AGAP1: variants seen among roughly 807,000 people sequenced by gnomAD.
AGAP1 encodes the protein arf-GAP with GTPase, ANK repeat and PH domain-containing protein 1.
A neutral mutation model predicts 105.3 loss-of-function variants in AGAP1; 29 were observed. The ratio of observed to expected loss-of-function variants is 0.28; its 90% CI spans 0.21 to 0.38. AGAP1 has a LOEUF of 0.38. Ranked by LOEUF, AGAP1 falls within the 10% of genes least tolerant of loss-of-function variation. The pLI is 1.00. For synonymous variants in AGAP1, 509 were observed against 485.9 expected (o/e 1.05, Z -0.63); for missense variants, 998 against 1,165.1 (o/e 0.86, Z 2.09).
chr2:236,059,510 C>T (rs779708636), intron 16 of AGAP1, among the ~76,000 whole-genome samples: 1 of 152,006 alleles, frequency 6.6e-6, no homozygotes, highest in Admixed American at 6.6e-5. Context: ...AATATCAAAA[C>T]GGTCTTGAAA....
intron 9 of AGAP1, among the ~76,000 whole-genome samples, chr2:235,809,894 G>A (rs1158031286): frequency 6.6e-6 from 1 of 152,138 alleles, no homozygotes; most frequent in Non-Finnish European, 1.5e-5. Context: ...TGTAAGTGCT[G>A]TTCATACAAG....
chr2:235,730,013 GT>G (rs1951856582), intron 3 of AGAP1, among the ~76,000 whole-genome samples: 2 of 152,040 alleles, frequency 1.3e-5, no homozygotes, highest in African/African-American at 2.4e-5. Flanking sequence ...GGATTTCTTA[GT>G]TTCTCCATGC....
intron 13 of AGAP1, among the ~76,000 whole-genome samples, chr2:236,015,592 A>G (rs188403757): frequency 6.6e-6 from 1 of 152,254 alleles, no homozygotes; most frequent in Non-Finnish European, 1.5e-5. Context: ...AAGGGTCGGA[A>G]TTACTTTGAT....
In AGAP1 at chr2:235,662,417, G is replaced by C. The variant is rs1176519732; in HGVS notation, c.164-46762G>C. Among the ~76,000 whole-genome samples, 1 of 152,178 alleles carries C rather than the reference G, an allele frequency of 6.6e-6. No individual in the cohort carries two copies. The highest frequency in any genetic ancestry group is 1.5e-5 in the Non-Finnish European group (1 of 68,024). On this transcript the variant is annotated intron_variant, in intron 1 of 17. Coordinates refer to ENST00000304032, the MANE Select transcript of AGAP1 (RefSeq NM_001037131.3). This position sits in a 1 kb window ranked among gnomAD's most constrained non-coding sequence, Gnocchi z 4.2. ...AGGGACAGAGTGCGTCCATGGAGGG[G>C]AGGACTCACAGCAGTTTTGAAGTAA...
intron 1 of AGAP1, among the ~76,000 whole-genome samples, chr2:235,587,331 C>G (rs1460290888): frequency 6.6e-6 from 1 of 152,186 alleles, no homozygotes; most frequent in Non-Finnish European, 1.5e-5. Flanking sequence ...CAGCAGCTGT[C>G]TTTTCAGTTG....
chr2:235,739,643 C>T lies in AGAP1; in HGVS notation c.311-1320C>T, dbSNP rs1234248344. The stretch of plus-strand genomic sequence containing the variant: ...CAAATGCGGCTGCCTGTGATGGTGG[C>T]ATAGGTGTTGAGTGTGAGCACACGA... On this transcript the variant is annotated intron_variant, in intron 3 of 17. Coordinates refer to ENST00000304032, the MANE Select transcript of AGAP1 (RefSeq NM_001037131.3). The surrounding 1 kb of genome is among the most constrained non-coding windows in gnomAD (Gnocchi z 5.3). Among the ~76,000 whole-genome samples, 3 of 152,362 alleles carry T rather than the reference C, an allele frequency of 2.0e-5. No individual in the cohort carries two copies. In the East Asian group the frequency reaches 5.8e-4, roughly 29 times the overall value.
chr2:236,048,913 C>T, intron 15 of AGAP1, 146 bp from the exon 16 acceptor site: 1 of 697,874 alleles, frequency 1.4e-6, no homozygotes, highest in Non-Finnish European at 2.4e-6. Context: ...CAGGACTGAG[C>T]ACTGGCTAGG....
chr2:235,523,845 G>A (rs1303218688), intron 1 of AGAP1, among the ~76,000 whole-genome samples: 6 of 151,938 alleles, frequency 3.9e-5, no homozygotes, highest in South Asian at 2.1e-4. Context: ...GCAGGGGGAC[G>A]GTGGTCTTGG....
rs2057693975 is a variant in AGAP1 at position 236,045,615 on chromosome 2, CA to C, written c.1892-3443del. Among the ~76,000 whole-genome samples the C allele has an allele frequency of 6.6e-6, 1 of 152,316 alleles. No individual in the cohort carries two copies. The highest frequency in any genetic ancestry group is 1.9e-4 in the East Asian group (1 of 5,174). The stretch of plus-strand genomic sequence containing the variant: ...CAGGGCCGCCCTGGGGCTGTGGGAC[CA>C]GCGGGGCCTGAAGCCAGGTGGAGGG... On this transcript the variant is annotated intron_variant, in intron 15 of 17. Transcript: ENST00000304032. The surrounding 1 kb of genome is among the most constrained non-coding windows in gnomAD (Gnocchi z 6.9).
chr2:235,565,258 A>G (rs1944312348), intron 1 of AGAP1, among the ~76,000 whole-genome samples: 1 of 152,058 alleles, frequency 6.6e-6, no homozygotes, highest in Admixed American at 6.5e-5. Context: ...AGCCAGGAGC[A>G]TCTTCGCAGG....
intron 16 of AGAP1, among the ~76,000 whole-genome samples, chr2:236,103,544 T>C (rs2059411684): frequency 2.0e-5 from 3 of 152,054 alleles, no homozygotes; most frequent in African/African-American, 4.8e-5. Flanking sequence ...CTCTTTTTCC[T>C]TTCTTTCCTT....
Position 235,635,071 on chromosome 2 carries a change from A to G in AGAP1, c.164-74108A>G, listed in dbSNP as rs1946952727. On this transcript the variant is annotated intron_variant, in intron 1 of 17. Coordinates refer to ENST00000304032, the MANE Select transcript of AGAP1 (RefSeq NM_001037131.3). The surrounding 1 kb of genome is among the most constrained non-coding windows in gnomAD (Gnocchi z 5.3). ...GACCAGTTTTCCCTCTGAAGCGTGAATGTTTCCTCTCCAGTTGGGAATCTC... is the reference window on the plus strand; with the variant it reads ...GACCAGTTTTCCCTCTGAAGCGTGAGTGTTTCCTCTCCAGTTGGGAATCTC... Among the ~76,000 whole-genome samples the G allele has an allele frequency of 2.0e-5, 3 of 152,072 alleles. No individual in the cohort carries two copies. Among genetic ancestry groups the G allele is most frequent in the Admixed American group, 1.3e-4 (2 of 15,262 alleles).
In AGAP1 at chr2:235,569,665, C is replaced by T. The variant is rs1464456834; in HGVS notation, c.163+74816C>T. ...CAGGTAGGGTGTGTTCACTGTGCCC[C>T]TGTGTGAGGGTTTGTAGTCTTACAC... On this transcript the variant is annotated intron_variant, in intron 1 of 17. Transcript: ENST00000304032. The surrounding 1 kb of genome is among the most constrained non-coding windows in gnomAD (Gnocchi z 5.9). Among the ~76,000 whole-genome samples, 1 of 152,136 alleles carries T rather than the reference C, an allele frequency of 6.6e-6. No individual in the cohort carries two copies. The highest frequency in any genetic ancestry group is 2.4e-5 in the African/African-American group (1 of 41,428).
intron 9 of AGAP1, among the ~76,000 whole-genome samples, chr2:235,825,953 A>T (rs1281175552): frequency 6.6e-6 from 1 of 152,240 alleles, no homozygotes; most frequent in Non-Finnish European, 1.5e-5. Flanking sequence ...GCCTGTATCA[A>T]AACATCTCAT....
intron 13 of AGAP1, among the ~76,000 whole-genome samples, chr2:236,030,917 TGATGA>T (rs1254149122): frequency 6.6e-6 from 1 of 152,180 alleles, no homozygotes; most frequent in East Asian, 1.9e-4. Flanking sequence ...GGGCTGTGAC[TGATGA>T]GATGAAAGTG....
rs1485641315 is a variant in AGAP1 at position 235,701,279 on chromosome 2, G to A, written c.164-7900G>A. On this transcript the variant is annotated intron_variant, in intron 1 of 17. Coordinates refer to ENST00000304032, the MANE Select transcript of AGAP1 (RefSeq NM_001037131.3). The surrounding 1 kb of genome is among the most constrained non-coding windows in gnomAD (Gnocchi z 4.1). ...ACTTTTGCCTTGGGATTTCCTTAGA[G>A]GAGAAGAGAGAGGACCCAGTCAAAT... Among the ~76,000 whole-genome samples the A allele has an allele frequency of 6.6e-6, 1 of 152,048 alleles. No individual in the cohort carries two copies. Among genetic ancestry groups the A allele is most frequent in the Non-Finnish European group, 1.5e-5 (1 of 68,028 alleles).
At chr2:235,759,609 T>A (rs929696316) in intron 6 of AGAP1, among the ~76,000 whole-genome samples, 1 of 152,202 alleles carries the variant, frequency 6.6e-6, no homozygotes, top group African/African-American at 2.4e-5. Flanking sequence ...GTAAGGAGAC[T>A]TGATTCAGCC....
intron 9 of AGAP1, among the ~76,000 whole-genome samples, chr2:235,808,829 C>CTT (rs1483234554): frequency 6.6e-6 from 1 of 152,170 alleles, no homozygotes; most frequent in South Asian, 2.1e-4. Context: ...GAACTTTCCA[C>CTT]TTTGATGATG....
rs892058300 is a variant in AGAP1 at position 235,934,860 on chromosome 2, A to C, written c.1483+3937A>C. On this transcript the variant is annotated intron_variant, in intron 12 of 17. Transcript: ENST00000304032. This position sits in a 1 kb window ranked among gnomAD's most constrained non-coding sequence, Gnocchi z 4.9. ...TGCACTCTTACTCTAAAACATAATA[A>C]TCACGGCAACATTGGGATTCACTGT... 7.2e-5 allele frequency among the ~76,000 whole-genome samples: 11 copies of C among 152,022 alleles called. No homozygotes were observed. The highest frequency in any genetic ancestry group is 1.6e-4 in the Non-Finnish European group (11 of 68,004).
Sources: allele counts gnomAD v4.1 joint callset (sites outside exome capture counted in the v4.1 genomes callset), GRCh38; gene constraint gnomAD v4.1.1; non-coding constraint Gnocchi (gnomAD v3.1); transcripts MANE v1.5; gene names NCBI Gene and HGNC (gene_info 2026-07-23, HGNC 2026-07-21).